ATP9B: variants seen among roughly 807,000 people sequenced by gnomAD.
ATP9B encodes the protein probable phospholipid-transporting ATPase IIB.
Under a neutral mutation model 146.1 loss-of-function variants are expected in ATP9B, and 110 were observed. That is an observed-to-expected ratio of 0.75 (90% CI 0.65 to 0.88). ATP9B has a LOEUF of 0.88. Ranked by LOEUF, ATP9B falls within the 40% of genes least tolerant of loss-of-function variation. The pLI, the probability that ATP9B is intolerant of heterozygous loss-of-function variation, is 0.00. For missense variants in ATP9B, 1,499 were observed against 1,496.4 expected (o/e 1.00, Z -0.03); for synonymous variants, 604 against 569.7 (o/e 1.06, Z -0.86).
chr18:79,303,555 C>G lies in ATP9B; in HGVS notation c.1412-49C>G, dbSNP rs142689598. The G allele has an allele frequency of 3.5e-4, 521 of 1,488,980 alleles. 4 individuals are homozygous for G. In the East Asian group the frequency reaches 0.011, roughly 33 times the overall value. 92.2% of individuals were successfully genotyped at this position (1,488,980 alleles called of 1,614,324 possible). A position where few individuals can be genotyped will look rare whatever the true frequency, so the allele number is the denominator to read the frequency against. On this transcript the variant is annotated intron_variant, in intron 13 of 29. Transcript: ENST00000426216. ...TGCATGGTAGGAAAGCTGGGTGTTC[C>G]CGCAGGCCTCCTGCATTAATGTGTT...
chr18:79,250,291 G>A (rs560452264), intron 11 of ATP9B, among the ~76,000 whole-genome samples: 2 of 152,228 alleles, frequency 1.3e-5, no homozygotes, highest in African/African-American at 2.4e-5. Context: ...TATGCATTTT[G>A]CAAGACAGTG....
At chr18:79,132,946 T>C (rs1470793364) in intron 5 of ATP9B, among the ~76,000 whole-genome samples, 3 of 152,258 alleles carry the variant, frequency 2.0e-5, no homozygotes, top group Non-Finnish European at 4.4e-5. Flanking sequence ...ACACTGAAAT[T>C]ATTTTGAGTT....
At chr18:79,365,990 C>A (rs2097025753) in intron 26 of ATP9B, among the ~76,000 whole-genome samples, 1 of 152,260 alleles carries the variant, frequency 6.6e-6, no homozygotes, top group Non-Finnish European at 1.5e-5. Context: ...GTCATGCCAC[C>A]AGGCAGTGGG....
At chr18:79,292,068 C>T (rs1434311195) in intron 13 of ATP9B, among the ~76,000 whole-genome samples, 2 of 152,212 alleles carry the variant, frequency 1.3e-5, no homozygotes, top group Non-Finnish European at 2.9e-5. Context: ...ATATCAGTAC[C>T]TCATTTCTGT....
chr18:79,185,912 A>T (rs2095304305), intron 8 of ATP9B, among the ~76,000 whole-genome samples: 1 of 152,238 alleles, frequency 6.6e-6, no homozygotes, highest in Admixed American at 6.5e-5. Context: ...GACACAGCCA[A>T]GAATAACCTT....
intron 1 of ATP9B, among the ~76,000 whole-genome samples, chr18:79,074,193 G>T (rs904603120): frequency 6.6e-6 from 1 of 152,116 alleles, no homozygotes; most frequent in Non-Finnish European, 1.5e-5. Context: ...TTGGTGCTGC[G>T]TGAGAGGGAA....
chr18:79,134,562 C>G (rs756506409), intron 5 of ATP9B, among the ~76,000 whole-genome samples: 1 of 152,234 alleles, frequency 6.6e-6, no homozygotes, highest in Non-Finnish European at 1.5e-5. Flanking sequence ...TGAGCCTGGT[C>G]TAAGGCCAGG....
intron 14 of ATP9B, among the ~76,000 whole-genome samples, chr18:79,305,296 C>T (rs1051596070): frequency 2.0e-5 from 3 of 152,272 alleles, no homozygotes; most frequent in Non-Finnish European, 2.9e-5. Context: ...TTTTGAAAAC[C>T]TTCTCTTTCT....
At chr18:79,319,877 T>C (rs1430288086) in intron 15 of ATP9B, among the ~76,000 whole-genome samples, 1 of 152,154 alleles carries the variant, frequency 6.6e-6, no homozygotes, top group Admixed American at 6.5e-5. Context: ...TTTAATTAAT[T>C]TATTATTAAC....
chr18:79,268,084 C>T (rs1336459879), intron 12 of ATP9B, among the ~76,000 whole-genome samples: 1 of 152,130 alleles, frequency 6.6e-6, no homozygotes, highest in Non-Finnish European at 1.5e-5. Context: ...AGCAGTTTCT[C>T]ATTATAAAGG....
intron 5 of ATP9B, among the ~76,000 whole-genome samples, chr18:79,142,040 T>A (rs1047553917): frequency 3.9e-5 from 6 of 152,230 alleles, no homozygotes; most frequent in African/African-American, 1.4e-4. Flanking sequence ...TATGTGTACT[T>A]TGAGCAGATA....
chr18:79,072,266 G>T (rs1230494542), intron 1 of ATP9B, among the ~76,000 whole-genome samples: 6 of 152,026 alleles, frequency 3.9e-5, no homozygotes, highest in African/African-American at 1.4e-4. Flanking sequence ...GTGAACAAAG[G>T]TCTCTGGTTT....
intron 11 of ATP9B, among the ~76,000 whole-genome samples, chr18:79,223,886 C>G (rs911194407): frequency 6.6e-6 from 1 of 152,152 alleles, no homozygotes; most frequent in African/African-American, 2.4e-5. Context: ...TAGCAAATAT[C>G]TAAACTAGAA....
chr18:79,126,824 T>A (rs992855865), intron 5 of ATP9B, among the ~76,000 whole-genome samples: 1 of 152,256 alleles, frequency 6.6e-6, no homozygotes, highest in South Asian at 2.1e-4. Context: ...TGATCCAAGA[T>A]GATAACTGAT....
chr18:79,304,041 C>T (rs75546485), intron 14 of ATP9B, among the ~76,000 whole-genome samples: 4,899 of 152,134 alleles, frequency 0.032, 119 homozygotes, highest in Non-Finnish European at 0.042. Flanking sequence ...TGTTTTCTAA[C>T]AGTTCTGTTT....
At chr18:79,107,594 C>T (rs1012631093) in intron 2 of ATP9B, among the ~76,000 whole-genome samples, 5 of 152,178 alleles carry the variant, frequency 3.3e-5, no homozygotes, top group African/African-American at 1.2e-4. Context: ...GATGAGTGAA[C>T]AGAGACTCAG....
intron 11 of ATP9B, among the ~76,000 whole-genome samples, chr18:79,228,119 A>T (rs1377157741): frequency 6.6e-6 from 1 of 152,238 alleles, no homozygotes; most frequent in Admixed American, 6.5e-5. Flanking sequence ...TAGCCCAAAA[A>T]ATAGCCTTTT....
intron 8 of ATP9B, among the ~76,000 whole-genome samples, chr18:79,190,511 TACACACACACAC>T (rs68063845): frequency 1.4e-5 from 2 of 143,550 alleles, no homozygotes; most frequent in Non-Finnish European, 3.0e-5. Context: ...TTTTTATTTA[TACACACACACAC>T]ACACACACAC....
chr18:79,241,604 C>T (rs866600625), intron 11 of ATP9B, among the ~76,000 whole-genome samples: 65 of 152,232 alleles, frequency 4.3e-4, no homozygotes, highest in African/African-American at 1.5e-3. Flanking sequence ...TATTTTGCCA[C>T]AAGACAATTC....
Sources: allele counts gnomAD v4.1 joint callset (sites outside exome capture counted in the v4.1 genomes callset), GRCh38; gene constraint gnomAD v4.1.1; transcripts MANE v1.5; gene names NCBI Gene and HGNC (gene_info 2026-07-23, HGNC 2026-07-21).